GRM8: variants seen among roughly 807,000 people sequenced by gnomAD.
GRM8 encodes glutamate metabotropic receptor 8.
GRM8 carries 47 observed loss-of-function variants against 87.2 expected under a neutral mutation model. The ratio of observed to expected loss-of-function variants is 0.54; its 90% CI spans 0.43 to 0.69. The LOEUF is 0.69. Among genes scored for constraint, GRM8 ranks in the 30% least tolerant of loss-of-function variants. The pLI is 0.00. For missense variants in GRM8, 1,019 were observed against 1,139.2 expected, an observed-to-expected ratio of 0.89 and a Z score of 1.52; for synonymous variants, 396 against 404.5, an observed-to-expected ratio of 0.98 and a Z score of 0.25.
chr7:126,605,422 C>T (rs936309938), intron 8 of GRM8, among the ~76,000 whole-genome samples: 2 of 151,992 alleles, frequency 1.3e-5, no homozygotes, highest in African/African-American at 2.4e-5. Flanking sequence ...AAAAAAGAAA[C>T]AGTAATGTTT....
Position 126,533,054 on chromosome 7 carries a change from A to G in GRM8, c.2328T>C (p.Thr776=). The G allele has an allele frequency of 1.2e-6, 2 of 1,613,630 alleles. No individual in the cohort carries two copies. The highest frequency in any genetic ancestry group is 1.7e-6 in the Non-Finnish European group (2 of 1,179,824). ...YAIKTRGVPE[T]FNEAKPIGFT... The stretch of plus-strand genomic sequence containing the variant: ...ATCCAATAGGTTTGGCTTCATTGAA[A>G]GTCTCTGGGACACCTCTCGTTTTAA... Residue 776 remains threonine (T), a synonymous_variant, in exon 9 of 11, where the codon ACT becomes ACC. Coordinates refer to ENST00000339582, the MANE Select transcript of GRM8 (RefSeq NM_000845.3).
chr7:127,158,874 A>G (rs1381305993), intron 2 of GRM8, among the ~76,000 whole-genome samples: 1 of 152,002 alleles, frequency 6.6e-6, no homozygotes, highest in Non-Finnish European at 1.5e-5. Context: ...GGTAGCAATA[A>G]ACAACTGGTT....
chr7:126,589,150 G>C (rs183331924), intron 8 of GRM8, among the ~76,000 whole-genome samples: 1 of 152,186 alleles, frequency 6.6e-6, no homozygotes, highest in African/African-American at 2.4e-5. Context: ...AATCCAGAGT[G>C]CAGACACAGG....
intron 8 of GRM8, among the ~76,000 whole-genome samples, chr7:126,592,254 G>C (rs1242634981): frequency 6.6e-6 from 1 of 151,348 alleles, no homozygotes; most frequent in African/African-American, 2.4e-5. Context: ...AATTGAAGAG[G>C]GAATACTTCC....
chr7:126,622,379 A>T (rs1800264887), intron 7 of GRM8, among the ~76,000 whole-genome samples: 1 of 152,028 alleles, frequency 6.6e-6, no homozygotes, highest in Non-Finnish European at 1.5e-5. Flanking sequence ...CTGTTTCATG[A>T]CTTATTCTCA....
At chr7:126,697,159 T>A (rs1585565140) in intron 7 of GRM8, among the ~76,000 whole-genome samples, 1 of 65,158 alleles carries the variant, frequency 1.5e-5, no homozygotes, top group Non-Finnish European at 2.9e-5. Flanking sequence ...CACTTATGTG[T>A]GGAATTAAAA....
intron 2 of GRM8, among the ~76,000 whole-genome samples, chr7:127,241,053 C>A (rs978209121): frequency 2.6e-5 from 4 of 152,234 alleles, no homozygotes; most frequent in Non-Finnish European, 4.4e-5. Flanking sequence ...CACCCTGAAG[C>A]CTGTTTGTGC....
At chr7:126,993,623 T>A (rs1272260411) in intron 3 of GRM8, among the ~76,000 whole-genome samples, 1 of 152,188 alleles carries the variant, frequency 6.6e-6, no homozygotes, top group Non-Finnish European at 1.5e-5. Flanking sequence ...CCCTCTCACA[T>A]TCCCCAGAAA....
At chr7:126,917,219 T>C (rs1804001922) in intron 3 of GRM8, among the ~76,000 whole-genome samples, 1 of 152,180 alleles carries the variant, frequency 6.6e-6, no homozygotes, top group Non-Finnish European at 1.5e-5. Context: ...CAGGCAATAC[T>C]ACTGCCTCTG....
chr7:127,000,883 C>T (rs1405943884), intron 3 of GRM8, among the ~76,000 whole-genome samples: 2 of 151,568 alleles, frequency 1.3e-5, no homozygotes, highest in African/African-American at 4.8e-5. Context: ...CTAAAACACC[C>T]TTATTTACAA....
chr7:126,589,416 G>A (rs923243423), intron 8 of GRM8, among the ~76,000 whole-genome samples: 2 of 152,068 alleles, frequency 1.3e-5, no homozygotes, highest in African/African-American at 4.8e-5. Flanking sequence ...TACTGGTAAC[G>A]TAACTCCATT....
chr7:127,176,235 T>G (rs1794099203), intron 2 of GRM8, among the ~76,000 whole-genome samples: 1 of 151,940 alleles, frequency 6.6e-6, no homozygotes, highest in Non-Finnish European at 1.5e-5. Context: ...AAGTGCTCAA[T>G]TAAAAACAGA....
chr7:126,645,017 T>C (rs1303691282), intron 7 of GRM8, among the ~76,000 whole-genome samples: 1 of 152,234 alleles, frequency 6.6e-6, no homozygotes, highest in Non-Finnish European at 1.5e-5. Flanking sequence ...CCTTGGTCAT[T>C]CCCGGGCATA....
chr7:127,011,702 T>C (rs985177744), intron 3 of GRM8, among the ~76,000 whole-genome samples: 1 of 152,178 alleles, frequency 6.6e-6, no homozygotes, highest in Non-Finnish European at 1.5e-5. Flanking sequence ...CTTTATACCA[T>C]ATGTACTCAC....
At chr7:126,566,870 T>C (rs1794262985) in intron 8 of GRM8, among the ~76,000 whole-genome samples, 1 of 152,156 alleles carries the variant, frequency 6.6e-6, no homozygotes, top group African/African-American at 2.4e-5. Context: ...AATTCCGCAA[T>C]ATGTGACAAC....
chr7:126,865,007 A>G (rs537846105), intron 6 of GRM8, among the ~76,000 whole-genome samples: 1 of 152,328 alleles, frequency 6.6e-6, no homozygotes, highest in South Asian at 2.1e-4. Flanking sequence ...TGGACAAATA[A>G]CCAGTTTTCT....
At chr7:127,246,900 G>A (rs959579035) in intron 1 of GRM8, among the ~76,000 whole-genome samples, 1 of 152,166 alleles carries the variant, frequency 6.6e-6, no homozygotes, top group East Asian at 1.9e-4. Context: ...ATTGAATATG[G>A]CCCCAACCCC....
At chr7:126,743,190 G>C (rs1490649310) in intron 7 of GRM8, among the ~76,000 whole-genome samples, 1 of 152,068 alleles carries the variant, frequency 6.6e-6, no homozygotes. Context: ...GTGCATAACT[G>C]AGCCTAGGAC....
Position 126,953,307 on chromosome 7 carries a change from T to G in GRM8, c.728-48624A>C, listed in dbSNP as rs535087923. Among the ~76,000 whole-genome samples, 39 of 152,240 alleles carry G rather than the reference T, an allele frequency of 2.6e-4. No individual in the cohort carries two copies. The South Asian group carries it at 6.4e-3, about 25-fold the overall frequency. Reference sequence around the variant, plus strand: ...AATCTATATCAACAATTCTGTCCCTTGAATTCAACACACTGAGGTTTTATT... The same window carrying G: ...AATCTATATCAACAATTCTGTCCCTGGAATTCAACACACTGAGGTTTTATT... On this transcript the variant is annotated intron_variant, in intron 3 of 10. Coordinates refer to ENST00000339582, the MANE Select transcript of GRM8 (RefSeq NM_000845.3).
Sources: gnomAD v4.1 joint callset for allele counts (sites outside exome capture counted in the v4.1 genomes callset) on GRCh38, gnomAD v4.1.1 for gene constraint, MANE v1.5 for transcripts, NCBI Gene and HGNC (gene_info 2026-07-23, HGNC 2026-07-21) for gene names.